The following PHKB variants were observed in gnomAD, a reference collection of about 807,000 sequenced individuals.
PHKB encodes phosphorylase kinase regulatory subunit beta.
A neutral mutation model predicts 152.1 loss-of-function variants in PHKB; 122 were observed. The observed-to-expected ratio is 0.80, with a 90% confidence interval of 0.69 to 0.93. The LOEUF is 0.93. Ranked by LOEUF, PHKB falls within the 40% of genes least tolerant of loss-of-function variation. The pLI, the probability that PHKB is intolerant of heterozygous loss-of-function variation, is 0.00. For synonymous variants in PHKB, 436 were observed against 464.9 expected (o/e 0.94, Z 0.80); for missense variants, 1,304 against 1,328.4 (o/e 0.98, Z 0.29).
chr16:47,538,212 G>C (rs1004613185), intron 6 of PHKB, among the ~76,000 whole-genome samples: 8 of 152,146 alleles, frequency 5.3e-5, no homozygotes, highest in Admixed American at 3.9e-4. Flanking sequence ...TTTAAACTTA[G>C]AGACCTGAAA....
rs121918021 is a variant in PHKB, at chr16:47,596,425, T to A, written c.1257T>A (p.Tyr419Ter). 1.1e-4 allele frequency: 178 copies of A among 1,612,040 alleles called. No individual in the cohort carries two copies. The highest frequency in any genetic ancestry group is 1.5e-4 in the Non-Finnish European group (171 of 1,178,260). The change falls in exon 13 of 31, where the codon TAT (tyrosine) becomes TAA (stop). Residue 419 changes from tyrosine (Y) to a stop codon, truncating the protein, a stop_gained. Coordinates refer to ENST00000323584, the MANE Select transcript of PHKB (RefSeq NM_000293.3). LOFTEE classifies it high-confidence loss of function. The stretch of plus-strand genomic sequence containing the variant: ...ATGTGCCAGCTGACTTTGTAGAATA[T>A]GAAAAAAATAACCCTGGTAGTCAAA... The part of the protein sequence containing the change: ...YYYVPADFVE[Y>*]EKNNPGSQKR...
chr16:47,538,737 G>T (rs1474001378), intron 6 of PHKB, among the ~76,000 whole-genome samples: 1 of 152,200 alleles, frequency 6.6e-6, no homozygotes, highest in Non-Finnish European at 1.5e-5. Context: ...TAGAAAACAA[G>T]GAAGCACCAT....
chr16:47,693,513 G>A lies in PHKB; in HGVS notation c.2895+6G>A, dbSNP rs372913745. The A allele has an allele frequency of 6.2e-7, 1 of 1,613,924 alleles. No homozygotes were observed. The highest frequency in any genetic ancestry group is 1.1e-5 in the South Asian group (1 of 91,068). ...CTGGGAAGCATTTGCCTCAGGTAAA[G>A]CCCCACCATGTTCACATAAAGAAAG... On this transcript the variant is annotated splice_donor_region_variant and intron_variant, in intron 28 of 30. Coordinates refer to ENST00000323584, the MANE Select transcript of PHKB (RefSeq NM_000293.3).
chr16:47,616,245 C>T (rs1972512051), intron 14 of PHKB, among the ~76,000 whole-genome samples: 1 of 151,610 alleles, frequency 6.6e-6, no homozygotes, highest in South Asian at 2.1e-4. Context: ...GAAAGTATTG[C>T]CTAATCCAAG....
At chr16:47,619,342 A>G (rs1280329243) in intron 14 of PHKB, 1 of 152,196 alleles carries the variant, frequency 6.6e-6, no homozygotes, top group East Asian at 1.9e-4. Flanking sequence ...CATCATAGGA[A>G]CACAGTTGCA....
At chr16:47,484,477 A>G (rs1283260311) in intron 1 of PHKB, among the ~76,000 whole-genome samples, 2 of 152,304 alleles carry the variant, frequency 1.3e-5, no homozygotes, top group Admixed American at 6.5e-5. Flanking sequence ...AAGTATGTAT[A>G]TATGTATGTA....
At chr16:47,566,028 C>A (rs1567308532) in intron 7 of PHKB, 1 of 694,094 alleles carries the variant, frequency 1.4e-6, no homozygotes, top group Non-Finnish European at 2.5e-6. Context: ...ACAGTCCTCA[C>A]CTCCTCTGTA....
intron 6 of PHKB, among the ~76,000 whole-genome samples, chr16:47,537,220 A>G (rs774747552): frequency 3.6e-4 from 55 of 152,276 alleles, no homozygotes; most frequent in Non-Finnish European, 1.3e-4. Context: ...AACAATTCAA[A>G]AGATCTAATT....
At chr16:47,558,256 T>G (rs1370296498) in intron 7 of PHKB, among the ~76,000 whole-genome samples, 7 of 138,074 alleles carry the variant, frequency 5.1e-5, no homozygotes, top group African/African-American at 1.8e-4. Flanking sequence ...GGGGGAGGGA[T>G]AGCATTAGGA....
At position 47,593,530 on chromosome 16, in the gene PHKB, A is replaced by G. The variant is rs765672351; in HGVS notation, c.1099A>G (p.Ile367Val). 6.7e-7 allele frequency: 1 copy of G among 1,499,050 alleles called. No homozygotes were observed. The highest frequency in any genetic ancestry group is 1.1e-5 in the South Asian group (1 of 88,598). The allele number at this position is 1,499,050 out of a possible 1,614,324, so 92.9% of individuals were successfully genotyped here. Residue 367 changes from isoleucine to valine, a missense_variant, in exon 11 of 31, where the codon ATA becomes GTA. By Grantham distance (29) the Ile-to-Val change is conservative. Coordinates refer to ENST00000323584, the MANE Select transcript of PHKB (RefSeq NM_000293.3). ...TGATGGCATTGAATGTGAATTTCCC[A>G]TATTTTTCCTTTATATGATGATTGA... ...LFDGIECEFP[I>V]FFLYMMIDGV...
chr16:47,594,031 A>G (rs1262221543), intron 11 of PHKB, 106 bp from the exon 12 acceptor site: 1 of 656,258 alleles, frequency 1.5e-6, no homozygotes, highest in Non-Finnish European at 2.7e-6. Flanking sequence ...TGGCATAGAA[A>G]ATTACCAAAA....
chr16:47,650,543 G>T lies in PHKB; in HGVS notation c.1798-1G>T. 1 of 1,576,286 alleles carries T rather than the reference G, an allele frequency of 6.3e-7. No homozygotes were observed. The highest frequency in any genetic ancestry group is 8.7e-7 in the Non-Finnish European group (1 of 1,145,790). ...ACATCCTACCTCATTCTGTTTGACA[G>T]AATGCGCTGCAGTTCATTAAACAAT... On this transcript the variant is annotated splice_acceptor_variant, in intron 18 of 30. Coordinates refer to ENST00000323584, the MANE Select transcript of PHKB (RefSeq NM_000293.3). LOFTEE classifies it high-confidence loss of function.
chr16:47,539,394 T>C (rs1041459881), intron 6 of PHKB, among the ~76,000 whole-genome samples: 2 of 152,100 alleles, frequency 1.3e-5, no homozygotes, highest in South Asian at 2.1e-4. Flanking sequence ...GTTTTAGACT[T>C]ATTTAACATT....
At chr16:47,672,902 G>A (rs1231252278) in intron 26 of PHKB, among the ~76,000 whole-genome samples, 2 of 152,008 alleles carry the variant, frequency 1.3e-5, no homozygotes, top group Non-Finnish European at 2.9e-5. Context: ...ATGTCAGGTG[G>A]CAACATGTGA....
At chr16:47,621,029 C>T (rs1183874872) in intron 14 of PHKB, among the ~76,000 whole-genome samples, 1 of 152,206 alleles carries the variant, frequency 6.6e-6, no homozygotes, top group Non-Finnish European at 1.5e-5. Flanking sequence ...CAGCAAAGCA[C>T]TGGCAGAAAT....
In PHKB at chr16:47,511,647, T is replaced by C. The variant is rs1344381091; in HGVS notation, c.406-18T>C. On this transcript the variant is annotated intron_variant, in intron 4 of 30. Transcript: ENST00000323584. ...TTTATGAATTACTAATGTTGTTTAA[T>C]TTTATATTTCATTCTAGGTCCAGCA... 6.5e-7 allele frequency: 1 copy of C among 1,527,472 alleles called. No homozygotes were observed. Among genetic ancestry groups the C allele is most frequent in the Non-Finnish European group, 9.1e-7 (1 of 1,101,018 alleles). The allele number at this position is 1,527,472 out of a possible 1,614,324, so 94.6% of individuals were successfully genotyped here.
intron 6 of PHKB, among the ~76,000 whole-genome samples, chr16:47,530,869 T>C (rs1970850418): frequency 1.3e-5 from 2 of 152,352 alleles, no homozygotes; most frequent in South Asian, 4.1e-4. Context: ...AAGATACTGA[T>C]TCTTGCTATA....
intron 27 of PHKB, among the ~76,000 whole-genome samples, chr16:47,691,121 C>A (rs1027489166): frequency 2.6e-5 from 4 of 152,084 alleles, no homozygotes; most frequent in African/African-American, 9.7e-5. Flanking sequence ...AATGCATAAT[C>A]TCAGTCTATT....
At chr16:47,472,673 C>T (rs1181706224) in intron 1 of PHKB, among the ~76,000 whole-genome samples, 3 of 152,134 alleles carry the variant, frequency 2.0e-5, no homozygotes, top group African/African-American at 7.2e-5. Flanking sequence ...ATCCCAACTA[C>T]TCGGGAGGCC....
Sources: allele counts gnomAD v4.1 joint callset (sites outside exome capture counted in the v4.1 genomes callset), GRCh38; gene constraint gnomAD v4.1.1; transcripts MANE v1.5; gene names NCBI Gene and HGNC (gene_info 2026-07-23, HGNC 2026-07-21).